RGS3: variants seen among roughly 807,000 people sequenced by gnomAD.
RGS3 encodes regulator of G protein signaling 3.
RGS3 carries 80 observed loss-of-function variants against 132.6 expected under a neutral mutation model. The observed-to-expected ratio is 0.60, with a 90% CI of 0.50 to 0.73. The LOEUF (loss-of-function observed/expected upper bound fraction) is 0.73, where lower values mean the gene tolerates loss of function less well. RGS3 is among the 30% of genes least tolerant of loss of function. RGS3 has a pLI of 0.00. For synonymous variants in RGS3, 598 were observed against 620.6 expected, an observed-to-expected ratio of 0.96 and a Z score of 0.54; for missense variants, 1,382 against 1,530.8, an observed-to-expected ratio of 0.90 and a Z score of 1.62.
At position 113,498,096 on chromosome 9, in the gene RGS3, C is replaced by T. The variant is rs1564488570; in HGVS notation, c.897+16C>T. ...GAAACTAAAGGTAGGTGGGGACAAG[C>T]TAGGGCATTGCTCCAGGAGCTGGAT... On this transcript the variant is annotated intron_variant, in intron 10 of 24. Coordinates refer to ENST00000350696, the Ensembl canonical transcript of RGS3. The T allele has an allele frequency of 6.2e-7, 1 of 1,612,726 alleles. No homozygotes were observed. Among genetic ancestry groups the T allele is most frequent in the Admixed American group, 1.7e-5 (1 of 60,010 alleles).
chr9:113,502,526 G>A (rs764004272), intron 10 of RGS3, among the ~76,000 whole-genome samples: 1 of 152,208 alleles, frequency 6.6e-6, no homozygotes, highest in Non-Finnish European at 1.5e-5. Context: ...CTCAGGTTCT[G>A]CCCTTCAGGC....
chr9:113,584,490 C>T lies in RGS3; in HGVS notation c.3015+63C>T, dbSNP rs879148716. 14 of 1,457,264 alleles carry T rather than the reference C, an allele frequency of 9.6e-6. No homozygotes were observed. In the South Asian group the frequency reaches 1.3e-4, roughly 13 times the overall value. The allele number at this position is 1,457,264 out of a possible 1,614,324, so 90.3% of individuals were successfully genotyped here. ...AATGTGGGGAGGGCTGGCCCAGGGGCTGCAGGGAATGAGAAGTCACCATGT... is the reference window on the plus strand; with the variant it reads ...AATGTGGGGAGGGCTGGCCCAGGGGTTGCAGGGAATGAGAAGTCACCATGT... On this transcript the variant is annotated intron_variant, in intron 20 of 24. Coordinates refer to ENST00000350696, the Ensembl canonical transcript of RGS3.
At chr9:113,487,915 T>A (rs983996791) in intron 7 of RGS3, among the ~76,000 whole-genome samples, 1 of 152,120 alleles carries the variant, frequency 6.6e-6, no homozygotes, top group Non-Finnish European at 1.5e-5. Context: ...ATCCAACTCT[T>A]CATGGGCAGG....
intron 1 of RGS3, chr9:113,461,643 A>G: frequency 6.6e-7 from 1 of 1,504,426 alleles, no homozygotes; most frequent in Non-Finnish European, 9.0e-7. Context: ...ACAAAGCAGT[A>G]GAATCTTTGT....
chr9:113,596,750 C>A lies in RGS3; in HGVS notation c.3412-18C>A, dbSNP rs762521706. 2.5e-6 allele frequency: 4 copies of A among 1,597,252 alleles called. No individual in the cohort carries two copies. The highest frequency in any genetic ancestry group is 3.4e-6 in the Non-Finnish European group (4 of 1,171,956). On this transcript the variant is annotated intron_variant, in intron 24 of 24. Coordinates refer to ENST00000350696, the Ensembl canonical transcript of RGS3. ...CCCCAGCAGGCAGCCCTGACCATGT[C>A]CCCCTCTGCCTCCCCAGGTCAACCT...
At chr9:113,567,376 A>C (rs1428988398) in intron 19 of RGS3, among the ~76,000 whole-genome samples, 3 of 152,174 alleles carry the variant, frequency 2.0e-5, no homozygotes, top group African/African-American at 7.2e-5. Context: ...GGCCTTATTC[A>C]TTCCTTAGTC....
intron 3 of RGS3, among the ~76,000 whole-genome samples, chr9:113,465,972 G>A (rs890016667): frequency 3.9e-5 from 6 of 152,152 alleles, no homozygotes; most frequent in African/African-American, 1.4e-4. Context: ...TCACTGATCT[G>A]CTTATGAGCA....
chr9:113,470,195 C>A (rs1405497205), intron 3 of RGS3, among the ~76,000 whole-genome samples: 2 of 151,990 alleles, frequency 1.3e-5, no homozygotes, highest in African/African-American at 4.8e-5. Context: ...TATAAATGTT[C>A]TTTGTGTATT....
intron 21 of RGS3, 92 bp from the exon 20 acceptor site, chr9:113,594,338 A>T (rs776312757): frequency 6.3e-7 from 1 of 1,593,588 alleles, no homozygotes; most frequent in South Asian, 1.1e-5. Flanking sequence ...ACGATGAAGG[A>T]GTAGGTGCCC....
intron 19 of RGS3, among the ~76,000 whole-genome samples, chr9:113,539,402 T>G (rs973459056): frequency 6.6e-6 from 1 of 152,162 alleles, no homozygotes; most frequent in African/African-American, 2.4e-5. Context: ...CTCTGCCTCC[T>G]GGGTTCAAGC....
At chr9:113,445,188 CTT>C (rs763073048) in intron 1 of RGS3, among the ~76,000 whole-genome samples, 5 of 142,998 alleles carry the variant, frequency 3.5e-5, no homozygotes, top group Admixed American at 7.0e-5. Flanking sequence ...TTTTCTTTTT[CTT>C]TTTTTTTTTT....
Position 113,591,865 on chromosome 9 carries a change from GCACT to G in RGS3, c.3080+470_3080+473del. On this transcript the variant is annotated intron_variant, in intron 21 of 24. Coordinates refer to ENST00000350696, the Ensembl canonical transcript of RGS3. This position sits in a 1 kb window ranked among gnomAD's most constrained non-coding sequence, Gnocchi z 4.4. ...GCTGCTGGCCCAGCTGCCGAATCCCGCACTCGCCAAGCCTTTCTGGCCACACTCA... is the reference window on the plus strand; with the variant it reads ...GCTGCTGGCCCAGCTGCCGAATCCCGCGCCAAGCCTTTCTGGCCACACTCA... 5.9e-6 allele frequency: 1 copy of G among 170,632 alleles called. No homozygotes were observed. Among genetic ancestry groups the G allele is most frequent in the Admixed American group, 5.6e-5 (1 of 17,978 alleles). 10.6% of individuals were successfully genotyped at this position (170,632 alleles called of 1,614,324 possible).
intron 18 of RGS3, among the ~76,000 whole-genome samples, chr9:113,535,418 G>A (rs180789041): frequency 6.6e-6 from 1 of 152,182 alleles, no homozygotes; most frequent in Non-Finnish European, 1.5e-5. Context: ...TGATCCACCC[G>A]CCTCGGCCTC....
In RGS3 at chr9:113,463,911, G is replaced by T. The variant is rs762093968; in HGVS notation, c.415+1710G>T. ...GTGCCCGCTGGGGCTGGCGGCAGGG[G>T]CTGCTTCACCCTGCTCCCAGCGCCC... On this transcript the variant is annotated intron_variant, in intron 3 of 24. Coordinates refer to ENST00000350696, the Ensembl canonical transcript of RGS3. This position sits in a 1 kb window ranked among gnomAD's most constrained non-coding sequence, Gnocchi z 4.6. The T allele has an allele frequency of 5.1e-5, 82 of 1,609,672 alleles. No individual in the cohort carries two copies. Among genetic ancestry groups the T allele is most frequent in the Non-Finnish European group, 5.8e-5 (68 of 1,177,522 alleles).
chr9:113,583,387 ATGGTGTCTGGCATCT>A (rs1564605090), intron 19 of RGS3, 48 bp from the exon 18 acceptor site: 1 of 1,572,494 alleles, frequency 6.4e-7, no homozygotes, highest in African/African-American at 1.4e-5. Context: ...CAGCTCATGC[ATGGTGTCTGGCATCT>A]TGGAGCCTCC....
chr9:113,466,121 C>T (rs1829633377), intron 3 of RGS3, among the ~76,000 whole-genome samples: 2 of 152,176 alleles, frequency 1.3e-5, no homozygotes, highest in South Asian at 4.1e-4. Context: ...AGAATATGAA[C>T]ACTTAAGAAG....
rs148750445 is a variant in RGS3 at position 113,508,727 on chromosome 9, G to A, written c.1477+147G>A. 1.3e-4 allele frequency: 94 copies of A among 739,310 alleles called. 1 individual carries two copies. Among genetic ancestry groups the A allele is most frequent in the South Asian group, 9.9e-4 (60 of 60,774 alleles). 45.8% of individuals were successfully genotyped at this position (739,310 alleles called of 1,614,324 possible). A position where few individuals can be genotyped will look rare whatever the true frequency, so the allele number is the denominator to read the frequency against. ...CTATCGACACAGACTCTCTTTCCAC[G>A]TGGTACCTTTTCTCCCTCACGGAAC... On this transcript the variant is annotated intron_variant, in intron 14 of 24. Coordinates refer to ENST00000350696, the Ensembl canonical transcript of RGS3.
At chr9:113,473,549 AT>A (rs2119193716) in intron 3 of RGS3, among the ~76,000 whole-genome samples, 1 of 152,182 alleles carries the variant, frequency 6.6e-6, no homozygotes, top group South Asian at 2.1e-4. Context: ...CGTCCGGCTA[AT>A]TTTAAAAAAA....
At chr9:113,496,522 T>C (rs1429136499) in intron 8 of RGS3, among the ~76,000 whole-genome samples, 1 of 152,024 alleles carries the variant, frequency 6.6e-6, no homozygotes, top group Non-Finnish European at 1.5e-5. Context: ...ATCCTGCATG[T>C]GAGTCCTAAA....
Sources: gnomAD v4.1 joint callset for allele counts (sites outside exome capture counted in the v4.1 genomes callset) on GRCh38, gnomAD v4.1.1 for gene constraint, Gnocchi (gnomAD v3.1) non-coding constraint, MANE v1.5 for transcripts, NCBI Gene and HGNC (gene_info 2026-07-23, HGNC 2026-07-21) for gene names.